PALLD: variants seen among roughly 807,000 people sequenced by gnomAD.
The protein encoded by PALLD is palladin, cytoskeletal associated protein.
In PALLD, 61 loss-of-function variants were observed where a neutral mutation model predicts 123.5. The ratio of observed to expected loss-of-function variants is 0.49; its 90% CI spans 0.40 to 0.61. PALLD has a LOEUF of 0.61. PALLD is among the 20% of genes least tolerant of loss of function. PALLD has a pLI of 0.00. For synonymous variants in PALLD, 465 were observed against 496.4 expected, an observed-to-expected ratio of 0.94 and a Z score of 0.84; for missense variants, 1,273 against 1,377.0, an observed-to-expected ratio of 0.92 and a Z score of 1.20.
At chr4:168,678,959 GGTGTGATGT>G (rs1781170370) in intron 3 of PALLD, among the ~76,000 whole-genome samples, 1 of 144,588 alleles carries the variant, frequency 6.9e-6, no homozygotes, top group African/African-American at 2.6e-5. Flanking sequence ...TGTGTGTGTG[GGTGTGATGT>G]GTGTGGTGTG....
At chr4:168,565,913 G>A (rs1768324550) in intron 2 of PALLD, among the ~76,000 whole-genome samples, 1 of 151,916 alleles carries the variant, frequency 6.6e-6, no homozygotes, top group Non-Finnish European at 1.5e-5. Flanking sequence ...GCCAAATAAT[G>A]CTAGTGGCTG....
chr4:168,657,411 G>C (rs540106094), intron 2 of PALLD, among the ~76,000 whole-genome samples: 5 of 152,276 alleles, frequency 3.3e-5, no homozygotes, highest in Non-Finnish European at 2.9e-5. Context: ...CCCATTCCTT[G>C]CATTTCACGA....
intron 8 of PALLD, among the ~76,000 whole-genome samples, chr4:168,699,154 C>G (rs1456408857): frequency 6.6e-6 from 1 of 152,212 alleles, no homozygotes; most frequent in Non-Finnish European, 1.5e-5. Context: ...TCTTGGTTCA[C>G]TGCAACCTCT....
In PALLD at chr4:168,663,743, T is replaced by C. The variant is rs979516441; in HGVS notation, c.909-4447T>C. On this transcript the variant is annotated intron_variant, in intron 2 of 21. Transcript: ENST00000505667. ...TTAACCTCATTCATTTGATAATTGA[T>C]CATTTGTCCCTTTCTGATATCGTCT... Among the ~76,000 whole-genome samples, 12 of 152,366 alleles carry C rather than the reference T, an allele frequency of 7.9e-5. No homozygotes were observed. In the East Asian group the frequency reaches 2.1e-3, roughly 27 times the overall value.
chr4:168,763,498 C>G (rs1360056581), intron 10 of PALLD, among the ~76,000 whole-genome samples: 1 of 152,184 alleles, frequency 6.6e-6, no homozygotes, highest in Non-Finnish European at 1.5e-5. Context: ...ACACATGGCA[C>G]TTTTAGGCCA....
At chr4:168,650,095 A>G (rs911131446) in intron 2 of PALLD, among the ~76,000 whole-genome samples, 2 of 151,998 alleles carry the variant, frequency 1.3e-5, no homozygotes, top group African/African-American at 4.8e-5. Flanking sequence ...AATTGCTTGA[A>G]CCCAGGAGGC....
At chr4:168,532,605 G>A (rs570712306) in intron 2 of PALLD, among the ~76,000 whole-genome samples, 39 of 152,204 alleles carry the variant, frequency 2.6e-4, no homozygotes, top group Non-Finnish European at 3.1e-4. Context: ...ATAGAATTAC[G>A]TAAGTAAAAA....
At chr4:168,785,622 C>T (rs899367910) in intron 10 of PALLD, among the ~76,000 whole-genome samples, 2 of 151,694 alleles carry the variant, frequency 1.3e-5, no homozygotes, top group African/African-American at 2.4e-5. Flanking sequence ...CTTAATTGTC[C>T]TTCCTCATTT....
intron 10 of PALLD, among the ~76,000 whole-genome samples, chr4:168,764,586 A>G (rs760719004): frequency 1.3e-5 from 2 of 151,916 alleles, no homozygotes; most frequent in Non-Finnish European, 2.9e-5. Flanking sequence ...CCCAACTTTT[A>G]GAGATTTTTT....
In PALLD at chr4:168,743,927, T is replaced by C. The variant is rs372488602; in HGVS notation, c.1964+32004T>C. On this transcript the variant is annotated intron_variant, in intron 10 of 21. Transcript: ENST00000505667. ...TTGGAAATTTCCAAATTTTAACAGA[T>C]GGGAATTTGCTTCCACTGTCTGAGA... Among the ~76,000 whole-genome samples, 16 of 152,258 alleles carry C rather than the reference T, an allele frequency of 1.1e-4. No homozygotes were observed. The East Asian group carries it at 2.7e-3, about 26-fold the overall frequency.
chr4:168,528,310 A>G (rs1764267978), intron 2 of PALLD, among the ~76,000 whole-genome samples: 1 of 152,182 alleles, frequency 6.6e-6, no homozygotes, highest in South Asian at 2.1e-4. Flanking sequence ...TATATTCCCT[A>G]TTATTTCTCG....
chr4:168,664,057 A>G lies in PALLD; in HGVS notation c.909-4133A>G, dbSNP rs1779385471. 2.0e-5 allele frequency among the ~76,000 whole-genome samples: 3 copies of G among 152,160 alleles called. No individual in the cohort carries two copies. In the South Asian group the frequency reaches 6.2e-4, roughly 32 times the overall value. ...TCCCTCCTTGATGTTTGCAATTCACATTTCCTTATTTAAGGCCCTGGGAAG... is the reference window on the plus strand; with the variant it reads ...TCCCTCCTTGATGTTTGCAATTCACGTTTCCTTATTTAAGGCCCTGGGAAG... On this transcript the variant is annotated intron_variant, in intron 2 of 21. Transcript: ENST00000505667.
At chr4:168,769,474 G>A (rs1271563747) in intron 10 of PALLD, among the ~76,000 whole-genome samples, 1 of 152,136 alleles carries the variant, frequency 6.6e-6, no homozygotes, top group Non-Finnish European at 1.5e-5. Flanking sequence ...GTGACAGATG[G>A]GGCCGGGCTG....
intron 2 of PALLD, among the ~76,000 whole-genome samples, chr4:168,595,558 C>A (rs1193294770): frequency 1.3e-5 from 2 of 152,098 alleles, no homozygotes; most frequent in Admixed American, 6.5e-5. Flanking sequence ...AGTGCCAAAA[C>A]CATCCCTCTC....
chr4:168,716,925 G>A (rs1456487336), intron 10 of PALLD, among the ~76,000 whole-genome samples: 1 of 152,110 alleles, frequency 6.6e-6, no homozygotes. Flanking sequence ...TGCCTGGAAT[G>A]TTCCACTCCC....
chr4:168,588,092 A>G (rs1771026256), intron 2 of PALLD, among the ~76,000 whole-genome samples: 1 of 152,132 alleles, frequency 6.6e-6, no homozygotes, highest in South Asian at 2.1e-4. Flanking sequence ...GGGCCTGGGA[A>G]TGTCTGCGGA....
chr4:168,894,471 A>G (rs938281880), intron 11 of PALLD, 108 bp from the exon 12 acceptor site: 2 of 743,756 alleles, frequency 2.7e-6, no homozygotes, highest in Non-Finnish European at 4.7e-6. Flanking sequence ...GAGAGAGAAC[A>G]CTTACAGAAA....
chr4:168,779,793 C>T (rs1034356436), intron 10 of PALLD, among the ~76,000 whole-genome samples: 27 of 152,090 alleles, frequency 1.8e-4, no homozygotes, highest in Admixed American at 1.6e-3. Flanking sequence ...TGAGTAGATT[C>T]GTTCCTCATT....
intron 2 of PALLD, among the ~76,000 whole-genome samples, chr4:168,600,026 C>T (rs910656955): frequency 6.8e-6 from 1 of 148,042 alleles, no homozygotes; most frequent in African/African-American, 2.6e-5. Flanking sequence ...TGTGTGTACA[C>T]ACACATACAT....
Sources: gnomAD v4.1 joint callset for allele counts (sites outside exome capture counted in the v4.1 genomes callset) on GRCh38, gnomAD v4.1.1 for gene constraint, MANE v1.5 for transcripts, NCBI Gene and HGNC (gene_info 2026-07-23, HGNC 2026-07-21) for gene names.